Variants in MBTPS1 observed in about 807,000 individuals in gnomAD.
The protein encoded by MBTPS1 is membrane-bound transcription factor site-1 protease.
Under a neutral mutation model 127.8 loss-of-function variants are expected in MBTPS1, and 94 were observed. The ratio of observed to expected loss-of-function variants is 0.74; its 90% CI spans 0.62 to 0.87. The LOEUF (loss-of-function observed/expected upper bound fraction) is 0.87. MBTPS1 is among the 40% of genes least tolerant of loss of function. The probability of loss-of-function intolerance (pLI) is 0.00; values close to 1 mark genes in which losing one functional copy is unlikely to be tolerated. For synonymous variants in MBTPS1, 632 were observed against 509.4 expected (o/e 1.24, Z -3.24); for missense variants, 1,636 against 1,353.2 (o/e 1.21, Z -3.28).
intron 8 of MBTPS1, 136 bp from the exon 9 acceptor site, chr16:84,087,596 A>G: frequency 1.6e-6 from 1 of 615,582 alleles, no homozygotes. Flanking sequence ...CTGTGGGAAG[A>G]CGTGTGCAGC....
chr16:84,070,125 T>C lies in MBTPS1; in HGVS notation c.1783-87A>G, dbSNP rs1597314755. 5.3e-6 allele frequency: 6 copies of C among 1,132,708 alleles called. No individual in the cohort carries two copies. In the East Asian group the frequency reaches 1.4e-4, roughly 27 times the overall value. The allele number at this position is 1,132,708 out of a possible 1,614,324, so 70.2% of individuals were successfully genotyped here. On this transcript the variant is annotated intron_variant, in intron 13 of 22. Transcript: ENST00000343411. Reference sequence around the variant, plus strand: ...GAAAACATCATTTCTATTTATCAACTTAACCTAAATAATTTGAACACAAGA... The same window carrying C: ...GAAAACATCATTTCTATTTATCAACCTAACCTAAATAATTTGAACACAAGA...
Position 84,059,311 on chromosome 16 carries a change from G to A in MBTPS1, c.2822C>T (p.Thr941Met), listed in dbSNP as rs139138066. The A allele has an allele frequency of 2.6e-5, 42 of 1,613,378 alleles. 1 individual carries two copies. Among genetic ancestry groups the A allele is most frequent in the African/African-American group, 2.0e-4 (15 of 74,890 alleles). ...ACAGGCGGACACTAACCTGGGCGCC[G>A]TCTCGTTTAAAGGCTGTGGCTTGGC... ...SWAKPQPLNE[T>M]APSNLWKHQK... Residue 941 changes from threonine (T) to methionine (M), a missense_variant, in exon 21 of 23, where the codon ACG becomes ATG. By Grantham distance (81) the Thr-to-Met change is moderately conservative (BLOSUM62 -1). Coordinates refer to ENST00000343411, the MANE Select transcript of MBTPS1 (RefSeq NM_003791.4).
At position 84,085,138 on chromosome 16, in the gene MBTPS1, TGAATAAAA is replaced by T. The variant is rs1471339941; in HGVS notation, c.1135-12_1135-5del. 2 of 1,613,934 alleles carry T rather than the reference TGAATAAAA, an allele frequency of 1.2e-6. No individual in the cohort carries two copies. The highest frequency in any genetic ancestry group is 1.7e-6 in the Non-Finnish European group (2 of 1,179,932). On this transcript the variant is annotated splice_region_variant and splice_polypyrimidine_tract_variant and intron_variant, in intron 9 of 22. Transcript: ENST00000343411. ...GACCGTAGCCTCCTGGTAGCTCCTATGAATAAAAGCAGCTTGGTTGCTACATCTCGCAC... is the reference window on the plus strand; with the variant it reads ...GACCGTAGCCTCCTGGTAGCTCCTATGCAGCTTGGTTGCTACATCTCGCAC...
chr16:84,080,147 C>T (rs34019756), intron 11 of MBTPS1, among the ~76,000 whole-genome samples: 39,942 of 151,970 alleles, frequency 0.26, 5,452 homozygotes, highest in Non-Finnish European at 0.31. Flanking sequence ...ACAATTTGAA[C>T]GACCCACTAA....
chr16:84,070,040 TAAAAA>T lies in MBTPS1; in HGVS notation c.1783-7_1783-3del, dbSNP rs751079150. ...AGTCTGTTCTGCACCATTTTTTGAC[TAAAAA>T]AAAAGAAAAGAAACTTGAAACGCCC... On this transcript the variant is annotated splice_polypyrimidine_tract_variant and splice_region_variant and intron_variant, in intron 13 of 22. Transcript: ENST00000343411. 1 of 1,526,662 alleles carries T rather than the reference TAAAAA, an allele frequency of 6.6e-7. No homozygotes were observed. Among genetic ancestry groups the T allele is most frequent in the African/African-American group, 1.4e-5 (1 of 70,654 alleles). 94.6% of individuals were successfully genotyped at this position (1,526,662 alleles called of 1,614,324 possible).
intron 11 of MBTPS1, among the ~76,000 whole-genome samples, chr16:84,077,249 A>AAG (rs1555510713): frequency 1.1e-3 from 149 of 138,816 alleles, no homozygotes; most frequent in East Asian, 2.2e-3. Flanking sequence ...AAAAAAAAAA[A>AAG]AGAGAGAGAG....
chr16:84,070,804 C>G (rs746874491), intron 12 of MBTPS1, 28 bp from the exon 13 acceptor site: 12 of 1,569,922 alleles, frequency 7.6e-6, no homozygotes, highest in South Asian at 2.3e-5. Flanking sequence ...CAGACAAAGG[C>G]TAAAGTGAAA....
intron 18 of MBTPS1, among the ~76,000 whole-genome samples, chr16:84,063,833 G>C (rs751347456): frequency 6.6e-6 from 1 of 152,276 alleles, no homozygotes. Context: ...GCAGCCAGCA[G>C]ATCTTGCTAA....
intron 8 of MBTPS1, among the ~76,000 whole-genome samples, chr16:84,088,392 AT>A (rs2086059706): frequency 6.6e-6 from 1 of 151,918 alleles, no homozygotes; most frequent in Non-Finnish European, 1.5e-5. Flanking sequence ...CCAGCTGGTC[AT>A]TCAGAGGAAC....
At position 84,067,735 on chromosome 16, in the gene MBTPS1, G is replaced by C. The variant is rs368273414; in HGVS notation, c.2160C>G (p.Leu720=). ...TGTTGTACCAGTCACTGAAGATGACGAGCGAGAGGCCGTTGTCCACGTCCC... is the reference window on the plus strand; with the variant it reads ...TGTTGTACCAGTCACTGAAGATGACCAGCGAGAGGCCGTTGTCCACGTCCC... ...LRRDVDNGLS[L]VIFSDWYNTS... The change falls in exon 16 of 23, where the codon CTC becomes CTG. Residue 720 remains leucine, a synonymous_variant. Coordinates refer to ENST00000343411, the MANE Select transcript of MBTPS1 (RefSeq NM_003791.4). 1.2e-6 allele frequency: 2 copies of C among 1,613,858 alleles called. No individual in the cohort carries two copies. The highest frequency in any genetic ancestry group is 2.2e-5 in the East Asian group (1 of 44,892).
chr16:84,097,955 C>A (rs1274307978), intron 3 of MBTPS1, among the ~76,000 whole-genome samples: 1 of 151,430 alleles, frequency 6.6e-6, no homozygotes, highest in East Asian at 1.9e-4. Flanking sequence ...ATTTTAATTT[C>A]TTCTTCCTTC....
At chr16:84,057,905 C>T (rs1001961266) in intron 21 of MBTPS1, 2 of 152,224 alleles carry the variant, frequency 1.3e-5, no homozygotes, top group Non-Finnish European at 2.9e-5. Context: ...ATATTGTTAT[C>T]TGCTTCAAGT....
At chr16:84,102,524 A>G (rs928379104) in intron 1 of MBTPS1, among the ~76,000 whole-genome samples, 1 of 152,324 alleles carries the variant, frequency 6.6e-6, no homozygotes, top group Non-Finnish European at 1.5e-5. Context: ...GGACAACAAA[A>G]TAACACCAAA....
At chr16:84,065,641 G>T (rs558020886) in intron 18 of MBTPS1, 49 bp downstream of exon 18, 1 of 1,201,902 alleles carries the variant, frequency 8.3e-7, no homozygotes, top group South Asian at 1.2e-5. Flanking sequence ...CGGGGGAAAA[G>T]GGAGCGAGAG....
chr16:84,102,464 A>T (rs984701144), intron 1 of MBTPS1, among the ~76,000 whole-genome samples: 1 of 152,174 alleles, frequency 6.6e-6, no homozygotes, highest in African/African-American at 2.4e-5. Context: ...TTTTTTAGGC[A>T]TCTTCAAAAA....
At chr16:84,100,141 G>C (rs2086233634) in intron 2 of MBTPS1, among the ~76,000 whole-genome samples, 1 of 152,230 alleles carries the variant, frequency 6.6e-6, no homozygotes, top group African/African-American at 2.4e-5. Context: ...GCTGGGCACA[G>C]TGGCTCATGC....
intron 1 of MBTPS1, among the ~76,000 whole-genome samples, chr16:84,114,558 C>A (rs952650116): frequency 6.6e-6 from 1 of 151,818 alleles, no homozygotes; most frequent in South Asian, 2.1e-4. Flanking sequence ...CAGCTGGGCG[C>A]GGTAGCTCAC....
At chr16:84,076,550 A>C (rs1006774791) in intron 11 of MBTPS1, among the ~76,000 whole-genome samples, 3 of 152,208 alleles carry the variant, frequency 2.0e-5, no homozygotes, top group Non-Finnish European at 2.9e-5. Context: ...AACCCTAGAG[A>C]AGCAATAATA....
Position 84,101,935 on chromosome 16 carries a change from C to G in MBTPS1, c.-152G>C. ...CCCAACATAAATAAAAGTTAAATCC[C>G]ATGGCCTTTTGTGGTTCAGCCTGAA... On this transcript the variant is annotated 5_prime_UTR_variant, in exon 2 of 23. An upstream start codon of the reference 5' UTR is lost. Transcript: ENST00000343411. 1 of 686,120 alleles carries G rather than the reference C, an allele frequency of 1.5e-6. No homozygotes were observed. Among genetic ancestry groups the G allele is most frequent in the East Asian group, 2.8e-5 (1 of 36,346 alleles). The allele number at this position is 686,120 out of a possible 1,614,324, so 42.5% of individuals were successfully genotyped here. A position where few individuals can be genotyped will look rare whatever the true frequency, so the allele number is the denominator to read the frequency against.
Sources: gnomAD v4.1 joint callset for allele counts (sites outside exome capture counted in the v4.1 genomes callset) on GRCh38, gnomAD v4.1.1 for gene constraint, MANE v1.5 for transcripts, NCBI Gene and HGNC (gene_info 2026-07-23, HGNC 2026-07-21) for gene names.